Variants in KCNC4 observed in about 807,000 individuals in gnomAD.
KCNC4 encodes potassium voltage-gated channel subfamily C member 4.
Under a neutral mutation model 42.8 loss-of-function variants are expected in KCNC4, and 23 were observed. That is an observed-to-expected ratio of 0.54 (90% CI 0.39 to 0.76). The LOEUF is 0.76. Among genes scored for constraint, KCNC4 ranks in the 30% least tolerant of loss-of-function variants. The probability of loss-of-function intolerance (pLI) is 0.00; values close to 1 mark genes in which losing one functional copy is unlikely to be tolerated. For missense variants in KCNC4, 751 were observed against 898.2 expected (o/e 0.84, Z 2.10); for synonymous variants, 422 against 393.5 (o/e 1.07, Z -0.86).
At chr1:110,253,604 G>A (rs1299365170), downstream of KCNC4, among the ~76,000 whole-genome samples, 5 of 152,210 alleles carry the variant, frequency 3.3e-5, no homozygotes, top group African/African-American at 1.2e-4. Flanking sequence ...GGGAGACCCG[G>A]ACCAGGACCC....
intron 1 of KCNC4, among the ~76,000 whole-genome samples, chr1:110,265,358 A>G (rs991396693): frequency 1.8e-3 from 2 of 1,136 alleles, no homozygotes; most frequent in African/African-American, 0.014. Flanking sequence ...AAACATAAAT[A>G]AAATAAAATA....
chr1:110,254,244 C>A (rs890775251), intron 1 of KCNC4, among the ~76,000 whole-genome samples: 1 of 152,184 alleles, frequency 6.6e-6, no homozygotes, highest in Admixed American at 6.5e-5. Context: ...CCATTCTCAG[C>A]TAGACAGCCT....
At chr1:110,266,312 T>G (rs777289800) in intron 1 of KCNC4, among the ~76,000 whole-genome samples, 2 of 152,122 alleles carry the variant, frequency 1.3e-5, no homozygotes, top group Non-Finnish European at 2.9e-5. Flanking sequence ...AACTGCACCC[T>G]GGAGGGCTGA....
chr1:110,230,432 C>T (rs1658633943), intron 3 of KCNC4, among the ~76,000 whole-genome samples: 1 of 152,200 alleles, frequency 6.6e-6, no homozygotes, highest in South Asian at 2.1e-4. Context: ...CACAACGAGC[C>T]GGGTGTGCAG....
chr1:110,271,881 C>A (rs1480246766), intron 1 of KCNC4, among the ~76,000 whole-genome samples: 33 of 152,060 alleles, frequency 2.2e-4, no homozygotes, highest in Admixed American at 2.2e-3. Context: ...GAGGAGGAGG[C>A]TCCGTTCACA....
chr1:110,224,055 A>G, intron 2 of KCNC4, 155 bp downstream of exon 2: 1 of 638,862 alleles, frequency 1.6e-6, no homozygotes, highest in Non-Finnish European at 2.7e-6. Flanking sequence ...TTGAGGCCGA[A>G]TTTCTCTGTC....
intron 3 of KCNC4, among the ~76,000 whole-genome samples, chr1:110,227,220 G>A (rs1398961470): frequency 6.6e-6 from 1 of 152,220 alleles, no homozygotes; most frequent in Non-Finnish European, 1.5e-5. Context: ...TGAGGAAGGG[G>A]CAGTGGCAGC....
At chr1:110,282,358 C>T (rs1288230679) in intron 1 of KCNC4, among the ~76,000 whole-genome samples, 1 of 152,216 alleles carries the variant, frequency 6.6e-6, no homozygotes, top group South Asian at 2.1e-4. Context: ...TCTAACTCCA[C>T]CTGTCATCTC....
intron 3 of KCNC4, among the ~76,000 whole-genome samples, chr1:110,226,835 G>T (rs1018281606): frequency 5.3e-5 from 8 of 152,180 alleles, no homozygotes; most frequent in Admixed American, 2.6e-4. Flanking sequence ...TCCTCTGCTT[G>T]TCGGAAAAGG....
At chr1:110,278,278 C>A (rs1007680896) in intron 1 of KCNC4, among the ~76,000 whole-genome samples, 1 of 152,128 alleles carries the variant, frequency 6.6e-6, no homozygotes, top group Non-Finnish European at 1.5e-5. Flanking sequence ...CTTTCTGGAC[C>A]TCAGTTTCTT....
chr1:110,278,730 G>C (rs1410540128), intron 1 of KCNC4, among the ~76,000 whole-genome samples: 1 of 152,012 alleles, frequency 6.6e-6, no homozygotes, highest in Non-Finnish European at 1.5e-5. Context: ...GCAGACCCAG[G>C]GCCATCTGCT....
downstream of KCNC4, among the ~76,000 whole-genome samples, chr1:110,283,945 T>C (rs981902829): frequency 6.6e-6 from 1 of 152,206 alleles, no homozygotes; most frequent in African/African-American, 2.4e-5. Context: ...ATGGAACCAC[T>C]TGCTAACTGT....
Position 110,223,632 on chromosome 1 carries a change from C to T in KCNC4, c.1347C>T (p.Gly449=). ...ACATGTACCCCAAGACGTGGTCAGGCATGCTGGTAGGGGCACTGTGTGCAC... is the reference window on the plus strand; with the variant it reads ...ACATGTACCCCAAGACGTGGTCAGGTATGCTGGTAGGGGCACTGTGTGCAC... ...YGDMYPKTWS[G]MLVGALCALA... The change falls in exon 2 of 4, where the codon GGC becomes GGT. Residue 449 remains glycine (G), a synonymous_variant. Transcript: ENST00000438661. This position sits in a 1 kb window ranked among gnomAD's most constrained non-coding sequence, Gnocchi z 7.5. The T allele has an allele frequency of 6.2e-7, 1 of 1,614,130 alleles. No homozygotes were observed. Among genetic ancestry groups the T allele is most frequent in the Non-Finnish European group, 8.5e-7 (1 of 1,180,038 alleles).
intron 3 of KCNC4, among the ~76,000 whole-genome samples, chr1:110,227,907 C>T (rs1485463769): frequency 6.6e-6 from 1 of 152,170 alleles, no homozygotes; most frequent in African/African-American, 2.4e-5. Context: ...ATCTCACCAT[C>T]CAGTATCCCT....
intron 3 of KCNC4, among the ~76,000 whole-genome samples, chr1:110,226,858 C>T (rs1024923567): frequency 1.3e-5 from 2 of 152,196 alleles, no homozygotes; most frequent in African/African-American, 4.8e-5. Context: ...GAAATTCCAT[C>T]CCCAGGCCCC....
At chr1:110,247,916 T>C (rs1287762539) in exon 4 of KCNC4, 6 of 152,268 alleles carry the variant, frequency 3.9e-5, no homozygotes, top group Non-Finnish European at 8.8e-5. Context: ...GCCAGTGATA[T>C]GCCTTTACAA....
chr1:110,281,386 T>A (rs3849182), intron 1 of KCNC4, among the ~76,000 whole-genome samples: 38,840 of 151,692 alleles, frequency 0.26, 5,489 homozygotes, highest in Non-Finnish European at 0.32. Context: ...AAATCTGAAA[T>A]CTTACTACCT....
At chr1:110,258,016 T>C (rs1490178327) in intron 1 of KCNC4, among the ~76,000 whole-genome samples, 2 of 152,174 alleles carry the variant, frequency 1.3e-5, no homozygotes, top group Non-Finnish European at 2.9e-5. Context: ...TATAATCCTT[T>C]CGCACTTGCC....
intron 1 of KCNC4, among the ~76,000 whole-genome samples, chr1:110,255,858 A>G (rs1433149099): frequency 6.6e-6 from 1 of 152,172 alleles, no homozygotes; most frequent in African/African-American, 2.4e-5. Flanking sequence ...GGAGGGGTTG[A>G]TTCTATTTCT....
Sources: gnomAD v4.1 joint callset for allele counts (sites outside exome capture counted in the v4.1 genomes callset) on GRCh38, gnomAD v4.1.1 for gene constraint, Gnocchi (gnomAD v3.1) non-coding constraint, MANE v1.5 for transcripts, NCBI Gene and HGNC (gene_info 2026-07-23, HGNC 2026-07-21) for gene names.